NIPA2: variants seen among roughly 807,000 people sequenced by gnomAD.
The protein encoded by NIPA2 is NIPA magnesium transporter 2, also known as magnesium transporter NIPA2.
In NIPA2, 11 loss-of-function variants were observed where a neutral mutation model predicts 29.7. That is an observed-to-expected ratio of 0.37 (90% CI 0.23 to 0.61). The LOEUF (loss-of-function observed/expected upper bound fraction) is 0.61. Ranked by LOEUF, NIPA2 falls within the 20% of genes least tolerant of loss-of-function variation. NIPA2 has a pLI of 0.66. For synonymous variants in NIPA2, 183 were observed against 161.9 expected (o/e 1.13, Z -0.99); for missense variants, 426 against 437.9 (o/e 0.97, Z 0.24).
In NIPA2 at chr15:22,866,375, A is replaced by G; in HGVS notation, c.611A>G (p.Lys204Arg). 1 of 1,614,120 alleles carries G rather than the reference A, an allele frequency of 6.2e-7. No individual in the cohort carries two copies. Residue 204 changes from lysine (K) to arginine (R), a missense_variant, in exon 8 of 8, where the codon AAG becomes AGG. Physicochemically the swap from Lys to Arg is conservative, Grantham distance 26 (BLOSUM62 2). This residue lies in a region of NIPA2 where 357 missense variants were observed against 339.8 expected (regional missense o/e 1.05). Transcript: ENST00000337451. ...GTGAAGGGCCTGGGCATTGCTATCA[A>G]GGAGCTGTTTGCAGGGAAGCCTGTG... ...SCVKGLGIAI[K>R]ELFAGKPVLR...
At chr15:22,847,419 T>G (rs186419625) in intron 3 of NIPA2, among the ~76,000 whole-genome samples, 1 of 152,290 alleles carries the variant, frequency 6.6e-6, no homozygotes, top group East Asian at 1.9e-4. Context: ...TGCATGATAA[T>G]TAAGAACATT....
At chr15:22,858,441 C>A in intron 5 of NIPA2, 99 bp from the exon 6 acceptor site, 1 of 609,704 alleles carries the variant, frequency 1.6e-6, no homozygotes, top group Non-Finnish European at 2.9e-6. Context: ...TTACTAAATA[C>A]AGTTGAAATA....
intron 5 of NIPA2, among the ~76,000 whole-genome samples, chr15:22,856,800 G>A (rs1342693396): frequency 8.4e-6 from 1 of 118,424 alleles, no homozygotes; most frequent in Non-Finnish European, 2.1e-5. Context: ...GATCAGCAGG[G>A]AGAATGTGGA....
rs1472977487 is a variant in NIPA2 at position 22,858,594 on chromosome 15, T to C, written c.251T>C (p.Leu84Pro). ...GCGTATGCGTTTGCACCAGCCACTC[T>C]AGTGACTCCACTAGGAGCTCTCAGC... ...FAAYAFAPAT[L>P]VTPLGALSVL... Residue 84 changes from leucine to proline, a missense_variant, in exon 6 of 8, where the codon CTA becomes CCA. Coordinates refer to ENST00000337451, the MANE Select transcript of NIPA2 (RefSeq NM_030922.7). The C allele has an allele frequency of 6.2e-7, 1 of 1,608,002 alleles. No individual in the cohort carries two copies. Among genetic ancestry groups the C allele is most frequent in the Non-Finnish European group, 8.5e-7 (1 of 1,176,046 alleles).
intron 3 of NIPA2, among the ~76,000 whole-genome samples, chr15:22,846,735 G>C (rs1022561842): frequency 1.3e-5 from 2 of 151,430 alleles, no homozygotes; most frequent in African/African-American, 2.4e-5. Context: ...AGGATCACTT[G>C]AGCCTGGGAA....
intron 4 of NIPA2, among the ~76,000 whole-genome samples, chr15:22,852,224 T>C (rs953412885): frequency 3.9e-5 from 6 of 152,108 alleles, no homozygotes; most frequent in Non-Finnish European, 8.8e-5. Context: ...CCCAGCACTT[T>C]GGGAGGCTGA....
intron 3 of NIPA2, among the ~76,000 whole-genome samples, chr15:22,846,840 A>ATCATTATT (rs1555380237): frequency 7.4e-6 from 1 of 134,996 alleles, no homozygotes; most frequent in African/African-American, 2.8e-5. Flanking sequence ...TAATAATAAT[A>ATCATTATT]ATTATTATTA....
intron 7 of NIPA2, among the ~76,000 whole-genome samples, chr15:22,864,680 C>CA (rs1373082078): frequency 1.3e-5 from 2 of 152,324 alleles, no homozygotes; most frequent in East Asian, 3.9e-4. Flanking sequence ...AGCCAGGCCT[C>CA]ACTTTCAATC....
intron 7 of NIPA2, among the ~76,000 whole-genome samples, chr15:22,865,790 T>TA (rs71411208): frequency 0.21 from 32,537 of 151,980 alleles, 3,702 homozygotes; most frequent in Admixed American, 0.31. Context: ...TTTAAAAGTT[T>TA]CCCCTTTTAG....
At chr15:22,843,085 CT>C (rs1021271501) in intron 2 of NIPA2, among the ~76,000 whole-genome samples, 1 of 151,506 alleles carries the variant, frequency 6.6e-6, no homozygotes, top group African/African-American at 2.4e-5. Flanking sequence ...ACAATTTGGT[CT>C]TCTTGCTACA....
At chr15:22,857,420 G>T (rs1399380080) in intron 5 of NIPA2, among the ~76,000 whole-genome samples, 1 of 145,504 alleles carries the variant, frequency 6.9e-6, no homozygotes, top group African/African-American at 2.6e-5. Flanking sequence ...CAGACTGGGC[G>T]ACAGAGCGAG....
At chr15:22,853,347 C>T in intron 5 of NIPA2, 79 bp downstream of exon 5, 3 of 783,626 alleles carry the variant, frequency 3.8e-6, no homozygotes, top group Admixed American at 2.3e-5. Flanking sequence ...AGCCTCATTA[C>T]TAGCAAGTTT....
intron 3 of NIPA2, among the ~76,000 whole-genome samples, chr15:22,849,807 C>T (rs1488683050): frequency 1.3e-5 from 2 of 152,026 alleles, no homozygotes. Flanking sequence ...TGTGATCCAC[C>T]AGCCTCAGCC....
intron 2 of NIPA2, among the ~76,000 whole-genome samples, chr15:22,844,227 A>T (rs1897948010): frequency 6.6e-6 from 1 of 152,222 alleles, no homozygotes; most frequent in Non-Finnish European, 1.5e-5. Context: ...ATGTTTAATG[A>T]AAGTTCACAT....
intron 4 of NIPA2, among the ~76,000 whole-genome samples, chr15:22,852,387 A>G (rs763994228): frequency 3.3e-5 from 5 of 150,536 alleles, no homozygotes; most frequent in Middle Eastern, 3.4e-3. Context: ...AATCGCTTGA[A>G]CCCGGGAGGC....
At chr15:22,864,898 A>T (rs1246818355) in intron 7 of NIPA2, among the ~76,000 whole-genome samples, 1 of 151,608 alleles carries the variant, frequency 6.6e-6, no homozygotes. Flanking sequence ...GTCTCACTCT[A>T]TTGCCCAGGC....
chr15:22,842,967 C>T (rs1897518245), intron 2 of NIPA2, among the ~76,000 whole-genome samples: 1 of 150,482 alleles, frequency 6.6e-6, no homozygotes, highest in South Asian at 2.1e-4. Context: ...TGCGTCACTG[C>T]ACTCCAGCCT....
chr15:22,855,170 T>C (rs1450649660), intron 5 of NIPA2, among the ~76,000 whole-genome samples: 5 of 151,968 alleles, frequency 3.3e-5, no homozygotes, highest in African/African-American at 1.2e-4. Context: ...CCCAGCACTT[T>C]GGGAGCCCGA....
chr15:22,864,567 C>T (rs765641164), intron 7 of NIPA2, among the ~76,000 whole-genome samples: 12 of 152,162 alleles, frequency 7.9e-5, no homozygotes, highest in Non-Finnish European at 1.8e-4. Flanking sequence ...AGGATTAATG[C>T]CTGGAGGCAT....
Sources: allele counts gnomAD v4.1 joint callset (sites outside exome capture counted in the v4.1 genomes callset), GRCh38; gene constraint gnomAD v4.1.1; regional missense constraint gnomAD v4.1.1; transcripts MANE v1.5; gene names NCBI Gene and HGNC (gene_info 2026-07-23, HGNC 2026-07-21).